The following AUTS2 variants were observed in gnomAD, a reference collection of about 807,000 sequenced individuals.
AUTS2 encodes activator of transcription and developmental regulator AUTS2.
AUTS2 carries 17 observed loss-of-function variants against 112.4 expected under a neutral mutation model. The ratio of observed to expected loss-of-function variants is 0.15; its 90% CI spans 0.10 to 0.23. The LOEUF (loss-of-function observed/expected upper bound fraction) is 0.23, where lower values mean the gene tolerates loss of function less well. Among genes scored for constraint, AUTS2 ranks in the 10% least tolerant of loss-of-function variants. AUTS2 has a pLI of 1.00. For synonymous variants in AUTS2, 751 were observed against 702.7 expected, an observed-to-expected ratio of 1.07 and a Z score of -1.09; for missense variants, 1,510 against 1,701.6, an observed-to-expected ratio of 0.89 and a Z score of 1.98.
intron 2 of AUTS2, among the ~76,000 whole-genome samples, chr7:69,955,745 AG>A (rs1482514854): frequency 6.6e-6 from 1 of 152,110 alleles, no homozygotes; most frequent in Non-Finnish European, 1.5e-5. Flanking sequence ...TGGCATGGGC[AG>A]GGGGCTCAGA....
intron 1 of AUTS2, among the ~76,000 whole-genome samples, chr7:69,792,333 G>A (rs1401920192): frequency 4.6e-5 from 7 of 150,812 alleles, no homozygotes; most frequent in Non-Finnish European, 7.4e-5. Context: ...TCCGCCTCCC[G>A]GGTTCATGCC....
intron 2 of AUTS2, among the ~76,000 whole-genome samples, chr7:69,928,990 C>A (rs541820495): frequency 6.6e-6 from 1 of 152,152 alleles, no homozygotes; most frequent in African/African-American, 2.4e-5. Flanking sequence ...CTGGGTAGAT[C>A]CTATTTACAT....
chr7:69,836,436 A>G (rs887236170), intron 1 of AUTS2, among the ~76,000 whole-genome samples: 5 of 152,328 alleles, frequency 3.3e-5, no homozygotes, highest in Middle Eastern at 3.4e-3. Flanking sequence ...AGGATACTAT[A>G]TTCCGAAGAA....
intron 5 of AUTS2, among the ~76,000 whole-genome samples, chr7:70,446,423 G>C (rs1025919903): frequency 6.6e-6 from 1 of 152,160 alleles, no homozygotes; most frequent in Non-Finnish European, 1.5e-5. Flanking sequence ...GCTGGCGAAG[G>C]GAACGGATCA....
At position 70,659,197 on chromosome 7, in the gene AUTS2, G is replaced by A. The variant is rs186120317; in HGVS notation, c.691-39372G>A. ...GAGGTAGGCATGGACAGTGAGGTTC[G>A]GCACCTGACCTCTGAATTCCCGCGG... is the stretch of plus-strand genomic sequence containing the variant. On this transcript the variant is annotated intron_variant, in intron 5 of 18. Transcript: ENST00000342771. Among the ~76,000 whole-genome samples, 164 of 152,288 alleles carry A rather than the reference G, an allele frequency of 1.1e-3. No individual in the cohort carries two copies. The Middle Eastern group carries it at 0.034, about 32-fold the overall frequency.
chr7:69,965,457 T>G (rs1797600757), intron 2 of AUTS2, among the ~76,000 whole-genome samples: 4 of 152,044 alleles, frequency 2.6e-5, no homozygotes, highest in Admixed American at 1.3e-4. Flanking sequence ...TGCACAGAAG[T>G]AAACAGGCAG....
intron 4 of AUTS2, among the ~76,000 whole-genome samples, chr7:70,230,678 T>A (rs1025616016): frequency 6.6e-6 from 1 of 152,232 alleles, no homozygotes. Context: ...TATGCACAGC[T>A]TTCCAGGCCA....
At chr7:70,599,005 A>C (rs1803338574) in intron 5 of AUTS2, among the ~76,000 whole-genome samples, 1 of 152,226 alleles carries the variant, frequency 6.6e-6, no homozygotes, top group South Asian at 2.1e-4. Context: ...GAGGGCAAAC[A>C]TGCTGGAAAA....
intron 1 of AUTS2, among the ~76,000 whole-genome samples, chr7:69,630,711 A>G (rs1794190391): frequency 1.3e-5 from 2 of 152,182 alleles, no homozygotes; most frequent in Admixed American, 6.5e-5. Context: ...GTTTTCTTCC[A>G]CTGAGTTAAA....
At chr7:69,919,576 G>A (rs6979355) in intron 2 of AUTS2, among the ~76,000 whole-genome samples, 54,965 of 152,014 alleles carry the variant, frequency 0.36, 10,516 homozygotes, top group African/African-American at 0.49. Flanking sequence ...GTTGGGGAGA[G>A]AGAGACTGAG....
Position 70,790,383 on chromosome 7 carries a change from C to G in AUTS2, c.3167C>G (p.Pro1056Arg), listed in dbSNP as rs766592601. The G allele has an allele frequency of 1.2e-6, 2 of 1,613,748 alleles. No homozygotes were observed. The highest frequency in any genetic ancestry group is 3.3e-5 in the Admixed American group (2 of 59,998). Residue 1056 changes from proline (P) to arginine (R), a missense_variant, in exon 19 of 19, where the codon CCG becomes CGG. Physicochemically the swap from Pro to Arg is moderately radical, Grantham distance 103. Transcript: ENST00000342771. This position sits in a 1 kb window ranked among gnomAD's most constrained non-coding sequence, Gnocchi z 7.6. ...CCCTTCATGGGCATCAGCCCCCTCC[C>G]GGGCGGAGAGCGCTTCCCGTACCCT... ...MTPFMGISPLPGGERFPYPSF... is the reference protein window; with the variant it reads ...MTPFMGISPLRGGERFPYPSF...
intron 5 of AUTS2, among the ~76,000 whole-genome samples, chr7:70,471,447 A>G (rs994905600): frequency 2.0e-5 from 3 of 152,194 alleles, no homozygotes; most frequent in African/African-American, 7.2e-5. Context: ...TCATAAATGA[A>G]GACTCTGAGA....
intron 2 of AUTS2, among the ~76,000 whole-genome samples, chr7:70,076,365 T>A (rs1050363439): frequency 6.6e-6 from 1 of 152,192 alleles, no homozygotes; most frequent in Non-Finnish European, 1.5e-5. Flanking sequence ...TGATATATAA[T>A]GAAACTAATC....
At chr7:69,946,273 C>T (rs1488335398) in intron 2 of AUTS2, among the ~76,000 whole-genome samples, 4 of 152,016 alleles carry the variant, frequency 2.6e-5, no homozygotes, top group Non-Finnish European at 5.9e-5. Context: ...GCAGGGTTTC[C>T]AATGGTGTGT....
At chr7:70,296,964 C>T (rs1422265557) in intron 4 of AUTS2, among the ~76,000 whole-genome samples, 1 of 150,366 alleles carries the variant, frequency 6.7e-6, no homozygotes, top group Non-Finnish European at 1.5e-5. Context: ...ACCTTAGCCT[C>T]CTGAGTAGCT....
At chr7:70,572,486 G>C (rs1203336463) in intron 5 of AUTS2, among the ~76,000 whole-genome samples, 2 of 145,734 alleles carry the variant, frequency 1.4e-5, no homozygotes, top group South Asian at 2.4e-4. Flanking sequence ...GCAGGAAAAG[G>C]GGGGGCGAGA....
intron 3 of AUTS2, 34 bp downstream of exon 3, chr7:70,118,267 A>AAAAG: frequency 6.8e-7 from 1 of 1,468,202 alleles, no homozygotes; most frequent in Non-Finnish European, 9.1e-7. Context: ...AAAAAAAAAA[A>AAAAG]TTAACGAAAA....
chr7:69,894,594 G>A (rs1421055889), intron 1 of AUTS2, among the ~76,000 whole-genome samples: 1 of 152,014 alleles, frequency 6.6e-6, no homozygotes, highest in East Asian at 1.9e-4. Flanking sequence ...AGATCTGTTG[G>A]TACAAATTTT....
At chr7:70,254,567 C>A (rs959361008) in intron 4 of AUTS2, among the ~76,000 whole-genome samples, 2 of 152,132 alleles carry the variant, frequency 1.3e-5, no homozygotes, top group African/African-American at 4.8e-5. Context: ...CTTGCTATCC[C>A]AAACACTGTC....
Sources: allele counts gnomAD v4.1 joint callset (sites outside exome capture counted in the v4.1 genomes callset), GRCh38; gene constraint gnomAD v4.1.1; non-coding constraint Gnocchi (gnomAD v3.1); transcripts MANE v1.5; gene names NCBI Gene and HGNC (gene_info 2026-07-23, HGNC 2026-07-21).